The following GRM3 variants were observed in gnomAD, a reference collection of about 807,000 sequenced individuals.
The protein encoded by GRM3 is metabotropic glutamate receptor 3.
GRM3 carries 26 observed loss-of-function variants against 70.5 expected under a neutral mutation model. The ratio of observed to expected loss-of-function variants is 0.37; its 90% CI spans 0.27 to 0.51. GRM3 has a LOEUF of 0.51. Ranked by LOEUF, GRM3 falls within the 20% of genes least tolerant of loss-of-function variation. The pLI, the probability that GRM3 is intolerant of heterozygous loss-of-function variation, is 0.93. For synonymous variants in GRM3, 443 were observed against 434.9 expected (o/e 1.02, Z -0.23); for missense variants, 859 against 1,123.8 (o/e 0.76, Z 3.37).
At chr7:86,740,287 T>G (rs1258331904) in intron 1 of GRM3, among the ~76,000 whole-genome samples, 3 of 152,126 alleles carry the variant, frequency 2.0e-5, no homozygotes, top group Non-Finnish European at 2.9e-5. Context: ...AAGAAGTAAG[T>G]GTATCTAGTC....
At chr7:86,863,512 G>T (rs978086631) in intron 5 of GRM3, among the ~76,000 whole-genome samples, 8 of 152,104 alleles carry the variant, frequency 5.3e-5, no homozygotes, top group Admixed American at 4.6e-4. Flanking sequence ...CATTAACAAG[G>T]GCACCATCCC....
chr7:86,663,637 G>A (rs375072701), intron 1 of GRM3, among the ~76,000 whole-genome samples: 2 of 151,934 alleles, frequency 1.3e-5, no homozygotes, highest in East Asian at 3.9e-4. Context: ...TGTTGGAGAT[G>A]AGATTGAAGA....
intron 3 of GRM3, among the ~76,000 whole-genome samples, chr7:86,818,473 C>T (rs1798058893): frequency 6.6e-6 from 1 of 152,024 alleles, no homozygotes; most frequent in East Asian, 1.9e-4. Flanking sequence ...AGTCACATGG[C>T]TCCACCTTTT....
intron 3 of GRM3, among the ~76,000 whole-genome samples, chr7:86,800,971 AC>A (rs1797666718): frequency 6.6e-6 from 1 of 151,960 alleles, no homozygotes; most frequent in South Asian, 2.1e-4. Flanking sequence ...TTTAAATTGC[AC>A]TTTGAGACAA....
Position 86,777,963 on chromosome 7 carries a change from T to C in GRM3, c.469-8298T>C, listed in dbSNP as rs17765050. Among the ~76,000 whole-genome samples the C allele has an allele frequency of 1.4e-3, 212 of 152,318 alleles. 6 individuals carry two copies. In the East Asian group the frequency reaches 0.037, roughly 27 times the overall value. ...ACCTGTGCTATGAGGTAACAGATGG[T>C]TCAAAGTGCAGCAACTCAATGGTTC... On this transcript the variant is annotated intron_variant, in intron 2 of 5. Coordinates refer to ENST00000361669, the MANE Select transcript of GRM3 (RefSeq NM_000840.3).
At position 86,765,056 on chromosome 7, in the gene GRM3, G is replaced by A; in HGVS notation, c.-90G>A. The A allele has an allele frequency of 6.7e-7, 1 of 1,498,966 alleles. No individual in the cohort carries two copies. The highest frequency in any genetic ancestry group is 8.8e-7 in the Non-Finnish European group (1 of 1,132,200). 92.9% of individuals were successfully genotyped at this position (1,498,966 alleles called of 1,614,324 possible). On this transcript the variant is annotated 5_prime_UTR_variant, in exon 2 of 6. Coordinates refer to ENST00000361669, the MANE Select transcript of GRM3 (RefSeq NM_000840.3). Reference sequence around the variant, plus strand: ...CTGTTCCTCCCTTATTTGAAGGACAGGCCAAAGATCCAGTTTGGAAATGAG... The same window carrying A: ...CTGTTCCTCCCTTATTTGAAGGACAAGCCAAAGATCCAGTTTGGAAATGAG...
chr7:86,695,561 C>T (rs557009610), intron 1 of GRM3, among the ~76,000 whole-genome samples: 2 of 152,212 alleles, frequency 1.3e-5, no homozygotes, highest in East Asian at 3.9e-4. Context: ...TGAGCTTTTG[C>T]GTCAGATACC....
chr7:86,842,755 G>T (rs1798581962), intron 4 of GRM3, among the ~76,000 whole-genome samples: 1 of 152,046 alleles, frequency 6.6e-6, no homozygotes, highest in South Asian at 2.1e-4. Context: ...CTGGAAGAAA[G>T]ATATTAAACA....
Position 86,839,210 on chromosome 7 carries a change from C to T in GRM3, c.1696C>T (p.Pro566Ser), listed in dbSNP as rs759994438. The change falls in exon 4 of 6, where the codon CCT becomes TCT. Residue 566 changes from proline (P) to serine (S), a missense_variant. Coordinates refer to ENST00000361669, the MANE Select transcript of GRM3 (RefSeq NM_000840.3). This position sits in a 1 kb window ranked among gnomAD's most constrained non-coding sequence, Gnocchi z 4.5. ...TADLTGCYDL[P>S]EDYIRWEDAW... is the part of the protein sequence containing the mutation. ...AGACCTAACTGGATGCTATGACCTT[C>T]CTGAGGACTACATCAGGTGGGAAGA... 2.5e-6 allele frequency: 4 copies of T among 1,613,890 alleles called. No homozygotes were observed. Among genetic ancestry groups the T allele is most frequent in the Non-Finnish European group, 2.5e-6 (3 of 1,179,752 alleles).
intron 3 of GRM3, among the ~76,000 whole-genome samples, chr7:86,815,704 A>G (rs74631288): frequency 0.053 from 8,117 of 151,968 alleles, 691 homozygotes; most frequent in African/African-American, 0.18. Flanking sequence ...ATGAGAGTGA[A>G]AAGAAGCACT....
chr7:86,849,044 GC>G (rs1798708623), intron 4 of GRM3, among the ~76,000 whole-genome samples: 1 of 152,130 alleles, frequency 6.6e-6, no homozygotes, highest in African/African-American at 2.4e-5. Context: ...TTACAGAAAT[GC>G]TTTTAGAAAA....
At chr7:86,846,125 AT>A (rs1212914860) in intron 4 of GRM3, among the ~76,000 whole-genome samples, 5 of 152,146 alleles carry the variant, frequency 3.3e-5, no homozygotes, top group African/African-American at 1.2e-4. Flanking sequence ...TACCTTTCTC[AT>A]TCTTTGTCAA....
intron 3 of GRM3, among the ~76,000 whole-genome samples, chr7:86,824,541 A>G (rs1360702496): frequency 6.6e-6 from 1 of 152,152 alleles, no homozygotes; most frequent in Non-Finnish European, 1.5e-5. Flanking sequence ...GCTACAAGAG[A>G]GGAGTGGGTT....
intron 3 of GRM3, among the ~76,000 whole-genome samples, chr7:86,794,238 T>A (rs1283512695): frequency 2.6e-5 from 4 of 152,202 alleles, no homozygotes; most frequent in Admixed American, 2.6e-4. Context: ...TTTCCACTTC[T>A]GTATACCTTT....
intron 3 of GRM3, among the ~76,000 whole-genome samples, chr7:86,819,693 T>A (rs1798081522): frequency 6.6e-6 from 1 of 152,138 alleles, no homozygotes; most frequent in South Asian, 2.1e-4. Context: ...GGCATTTGAT[T>A]CAAGATGTAT....
rs1796577684 is a variant in GRM3, at chr7:86,765,496, G to T, written c.351G>T (p.Leu117Phe). 11 of 1,613,900 alleles carry T rather than the reference G, an allele frequency of 6.8e-6. No individual in the cohort carries two copies. Among genetic ancestry groups the T allele is most frequent in the Non-Finnish European group, 9.3e-6 (11 of 1,179,882 alleles). Reference protein sequence around the residue: ...EQSLEFVRASLTKVDEAEYMC... With the variant: ...EQSLEFVRASFTKVDEAEYMC... ...CACTGGAGTTTGTCAGGGCATCTTT[G>T]ACAAAAGTGGATGAAGCTGAGTATA... The change falls in exon 2 of 6, where the codon TTG becomes TTT. Residue 117 changes from leucine to phenylalanine, a missense_variant. Physicochemically the swap from Leu to Phe is conservative, Grantham distance 22. Transcript: ENST00000361669.
chr7:86,664,716 G>A (rs903219141), intron 1 of GRM3, among the ~76,000 whole-genome samples: 1 of 151,848 alleles, frequency 6.6e-6, no homozygotes, highest in Non-Finnish European at 1.5e-5. Context: ...GCAGATGATG[G>A]TTACGTTTGG....
chr7:86,837,354 C>T (rs954379037), intron 3 of GRM3, among the ~76,000 whole-genome samples: 37 of 152,114 alleles, frequency 2.4e-4, no homozygotes, highest in Non-Finnish European at 1.5e-4. Context: ...GACAGCGTTT[C>T]CCTGTAAGTT....
rs1798730632 is a variant in GRM3 at position 86,850,224 on chromosome 7, T to A, written c.2392-146T>A. The A allele has an allele frequency of 6.8e-6, 4 of 589,598 alleles. No homozygotes were observed. In the East Asian group the frequency reaches 1.1e-4, roughly 16 times the overall value. The allele number at this position is 589,598 out of a possible 1,614,324, so 36.5% of individuals were successfully genotyped here. On this transcript the variant is annotated intron_variant, in intron 4 of 5. Transcript: ENST00000361669. ...TACCCCAAACATAGAAGATTCAATATAATTACTGTATTGATTTGGCTACAA... is the reference window on the plus strand; with the variant it reads ...TACCCCAAACATAGAAGATTCAATAAAATTACTGTATTGATTTGGCTACAA...
Sources: allele counts gnomAD v4.1 joint callset (sites outside exome capture counted in the v4.1 genomes callset), GRCh38; gene constraint gnomAD v4.1.1; non-coding constraint Gnocchi (gnomAD v3.1); transcripts MANE v1.5; gene names NCBI Gene and HGNC (gene_info 2026-07-23, HGNC 2026-07-21).